CACNA2D1: variants seen among roughly 807,000 people sequenced by gnomAD.
CACNA2D1 encodes the protein voltage-dependent calcium channel subunit alpha-2/delta-1.
In CACNA2D1, 53 loss-of-function variants were observed where a neutral mutation model predicts 171.5. That is an observed-to-expected ratio of 0.31 (90% CI 0.25 to 0.39). The LOEUF (loss-of-function observed/expected upper bound fraction) is 0.39. Ranked by LOEUF, CACNA2D1 falls within the 10% of genes least tolerant of loss-of-function variation. The pLI is 1.00. For missense variants in CACNA2D1, 903 were observed against 1,299.8 expected (o/e 0.69, Z 4.69); for synonymous variants, 442 against 443.1 (o/e 1.00, Z 0.03).
chr7:82,103,323 A>C (rs192836506), intron 6 of CACNA2D1, among the ~76,000 whole-genome samples: 2 of 152,246 alleles, frequency 1.3e-5, no homozygotes, highest in African/African-American at 4.8e-5. Context: ...CTAACAAAAA[A>C]ACAGAAAGTC....
chr7:82,106,252 A>G (rs1156372967), intron 6 of CACNA2D1, among the ~76,000 whole-genome samples: 2 of 152,158 alleles, frequency 1.3e-5, no homozygotes, highest in East Asian at 3.9e-4. Flanking sequence ...ATGCCAAATG[A>G]TTAAAAAATC....
chr7:81,949,898 TTCTC>T lies in CACNA2D1; in HGVS notation c.*490_*493del, dbSNP rs139202888. On this transcript the variant is annotated 3_prime_UTR_variant, in exon 39 of 39. Coordinates refer to ENST00000356860, the MANE Select transcript of CACNA2D1 (RefSeq NM_000722.4). ...TTTCAACAATTTAGACCAATGTTAA[TTCTC>T]TCTTTCTCTATATATTTCAATAATT... 3.2e-5 allele frequency: 5 copies of T among 154,266 alleles called. No individual in the cohort carries two copies. The highest frequency in any genetic ancestry group is 9.6e-5 in the African/African-American group (4 of 41,586). 9.6% of individuals were successfully genotyped at this position (154,266 alleles called of 1,614,324 possible). A position where few individuals can be genotyped will look rare whatever the true frequency, so the allele number is the denominator to read the frequency against.
chr7:82,001,400 C>T (rs1167120963), intron 18 of CACNA2D1, among the ~76,000 whole-genome samples: 1 of 152,072 alleles, frequency 6.6e-6, no homozygotes, highest in Non-Finnish European at 1.5e-5. Context: ...GAAGCCATCT[C>T]GTTATGATTT....
intron 23 of CACNA2D1, 32 bp from the exon 24 acceptor site, chr7:81,982,659 T>C (rs552861982): frequency 6.4e-6 from 8 of 1,258,402 alleles, no homozygotes; most frequent in Non-Finnish European, 9.3e-6. Flanking sequence ...ATTAGATAGG[T>C]AATTCAGAGT....
At chr7:82,111,412 ATGTGTATATATGTGTG>A (rs1186628129) in intron 6 of CACNA2D1, among the ~76,000 whole-genome samples, 62 of 85,962 alleles carry the variant, frequency 7.2e-4, no homozygotes, top group African/African-American at 2.5e-3. Flanking sequence ...ATATTCATAT[ATGTGTATATATGTGTG>A]TATATATATA....
chr7:81,997,811 T>C (rs1443254468), intron 18 of CACNA2D1, among the ~76,000 whole-genome samples: 2 of 152,016 alleles, frequency 1.3e-5, no homozygotes, highest in Non-Finnish European at 2.9e-5. Context: ...TAAGAAATTT[T>C]ATATTTTAAT....
chr7:82,294,779 C>T (rs1812062414), intron 3 of CACNA2D1, among the ~76,000 whole-genome samples: 1 of 151,974 alleles, frequency 6.6e-6, no homozygotes, highest in Admixed American at 6.6e-5. Context: ...CATTCTGAAA[C>T]TTTGTAAAGG....
chr7:82,128,354 A>C (rs1790579574), intron 5 of CACNA2D1, among the ~76,000 whole-genome samples: 1 of 152,174 alleles, frequency 6.6e-6, no homozygotes, highest in Admixed American at 6.5e-5. Flanking sequence ...CTTTAGCTAA[A>C]CCTGGCTGTA....
chr7:82,437,681 G>C (rs181846116), intron 1 of CACNA2D1, among the ~76,000 whole-genome samples: 1 of 137,384 alleles, frequency 7.3e-6, no homozygotes, highest in East Asian at 2.2e-4. Context: ...TCTTTTCCTC[G>C]TTCATAACCT....
chr7:81,963,881 T>C (rs1440932354), intron 34 of CACNA2D1, among the ~76,000 whole-genome samples, 175 bp downstream of exon 34: 4 of 152,060 alleles, frequency 2.6e-5, no homozygotes, highest in Non-Finnish European at 4.4e-5. Context: ...GGTAACTTTA[T>C]AGTGTTCACT....
intron 1 of CACNA2D1, among the ~76,000 whole-genome samples, chr7:82,364,297 T>C (rs1276851531): frequency 5.9e-5 from 9 of 152,066 alleles, no homozygotes; most frequent in Admixed American, 5.9e-4. Context: ...ACATAGCAAA[T>C]GTCAAAGATA....
chr7:82,381,359 T>C (rs1023050551), intron 1 of CACNA2D1, among the ~76,000 whole-genome samples: 1 of 149,630 alleles, frequency 6.7e-6, no homozygotes, highest in African/African-American at 2.5e-5. Flanking sequence ...GCAACAAAGC[T>C]ATCTAGATTC....
At chr7:82,354,611 C>A (rs1283085030) in intron 1 of CACNA2D1, among the ~76,000 whole-genome samples, 2 of 152,054 alleles carry the variant, frequency 1.3e-5, no homozygotes, top group Admixed American at 1.3e-4. Context: ...TGTTAAGGGA[C>A]AAGAAGTAGG....
intron 18 of CACNA2D1, 174 bp downstream of exon 18, chr7:82,005,249 C>G: frequency 1.8e-6 from 1 of 552,794 alleles, no homozygotes; most frequent in Non-Finnish European, 3.3e-6. Flanking sequence ...AAACTGCTTT[C>G]ACACTTTCAT....
At chr7:82,340,484 A>G (rs77289358) in intron 2 of CACNA2D1, among the ~76,000 whole-genome samples, 1 of 148,710 alleles carries the variant, frequency 6.7e-6, no homozygotes, top group Admixed American at 6.8e-5. Flanking sequence ...TTTTTTTTTT[A>G]TAAGTAGATT....
chr7:82,199,488 C>A (rs1799191636), intron 3 of CACNA2D1, among the ~76,000 whole-genome samples: 1 of 152,084 alleles, frequency 6.6e-6, no homozygotes, highest in African/African-American at 2.4e-5. Flanking sequence ...ATAAACTATG[C>A]TGGCTTTGTG....
intron 3 of CACNA2D1, among the ~76,000 whole-genome samples, chr7:82,204,894 G>A (rs1005160705): frequency 2.6e-5 from 4 of 152,172 alleles, no homozygotes; most frequent in Non-Finnish European, 5.9e-5. Context: ...GCATGACTCA[G>A]CGAGTTTGGA....
At chr7:82,257,708 T>A (rs1400311493) in intron 3 of CACNA2D1, among the ~76,000 whole-genome samples, 1 of 152,228 alleles carries the variant, frequency 6.6e-6, no homozygotes, top group Non-Finnish European at 1.5e-5. Flanking sequence ...TGGTGAGATA[T>A]AACAATTGTT....
chr7:82,151,986 A>T (rs976830480), intron 4 of CACNA2D1, among the ~76,000 whole-genome samples: 8 of 152,036 alleles, frequency 5.3e-5, no homozygotes, highest in Non-Finnish European at 8.8e-5. Flanking sequence ...ACTTTCATGG[A>T]CTGTTTAGTA....
Sources: allele counts gnomAD v4.1 joint callset (sites outside exome capture counted in the v4.1 genomes callset), GRCh38; gene constraint gnomAD v4.1.1; transcripts MANE v1.5; gene names NCBI Gene and HGNC (gene_info 2026-07-23, HGNC 2026-07-21).